The following PCDHGA11 variants were observed in gnomAD, a reference collection of about 807,000 sequenced individuals.
The protein encoded by PCDHGA11 is protocadherin gamma-A11.
PCDHGA11 carries 39 observed loss-of-function variants against 60.4 expected under a neutral mutation model. The observed-to-expected ratio is 0.65, with a 90% CI of 0.50 to 0.84. PCDHGA11 has a LOEUF of 0.84. Among genes scored for constraint, PCDHGA11 ranks in the 40% least tolerant of loss-of-function variants. PCDHGA11 has a pLI of 0.00. For missense variants in PCDHGA11, 1,165 were observed against 1,197.7 expected (o/e 0.97, Z 0.40); for synonymous variants, 533 against 510.3 (o/e 1.04, Z -0.60).
In PCDHGA11 at chr5:141,489,515, G is replaced by A. The variant is rs983415025; in HGVS notation, c.2434-5292G>A. On this transcript the variant is annotated intron_variant, in intron 1 of 3. Coordinates refer to ENST00000398587, the MANE Select transcript of PCDHGA11 (RefSeq NM_018914.3). The surrounding 1 kb of genome is among the most constrained non-coding windows in gnomAD (Gnocchi z 4.5). ...CTGGCAGTGAATCAAAAGATTGACC[G>A]AGAAAGCCTATGTGGAGCCAGCACC... 2 of 1,614,104 alleles carry A rather than the reference G, an allele frequency of 1.2e-6. No homozygotes were observed. Among genetic ancestry groups the A allele is most frequent in the Non-Finnish European group, 8.5e-7 (1 of 1,180,034 alleles).
In PCDHGA11 at chr5:141,431,514, C is replaced by T. The variant is rs760416874; in HGVS notation, c.2433+7854C>T. ...CAGCCCGAGTACCGCGCGAGCGTTC[C>T]GGAGAATCTGGCCTTGGGCACGCAG... On this transcript the variant is annotated intron_variant, in intron 1 of 3. Transcript: ENST00000398587. This position sits in a 1 kb window ranked among gnomAD's most constrained non-coding sequence, Gnocchi z 4.8. 3.1e-6 allele frequency: 5 copies of T among 1,614,012 alleles called. No homozygotes were observed. The highest frequency in any genetic ancestry group is 1.1e-5 in the South Asian group (1 of 91,082).
chr5:141,429,389 A>T (rs6890456), intron 1 of PCDHGA11, among the ~76,000 whole-genome samples: 7,460 of 147,570 alleles, frequency 0.051, 197 homozygotes, highest in South Asian at 0.075. Flanking sequence ...TTTTTTTTTA[A>T]AAAAAATTGA....
intron 2 of PCDHGA11, among the ~76,000 whole-genome samples, chr5:141,501,075 A>C (rs980856799): frequency 6.6e-6 from 1 of 151,366 alleles, no homozygotes; most frequent in African/African-American, 2.4e-5. Context: ...CACCATGTTG[A>C]CCAGGATGGT....
Position 141,421,257 on chromosome 5 carries a change from C to T in PCDHGA11, c.30C>T (p.Arg10=), listed in dbSNP as rs944057868. The T allele has an allele frequency of 6.2e-7, 1 of 1,608,520 alleles. No individual in the cohort carries two copies. The highest frequency in any genetic ancestry group is 1.3e-5 in the African/African-American group (1 of 74,924). The change falls in exon 1 of 4, where the codon CGC becomes CGT. Residue 10 remains arginine, a synonymous_variant. Transcript: ENST00000398587. ...CGAATCGGCTACAGCGCGGGGACCG[C>T]AGTCGGCTGCTGCTGCTGCTGTGCA... MANRLQRGD[R]SRLLLLLCIF... is the part of the protein sequence containing the mutation.
intron 1 of PCDHGA11, among the ~76,000 whole-genome samples, chr5:141,465,041 C>T (rs2099095802): frequency 6.6e-6 from 1 of 151,856 alleles, no homozygotes; most frequent in Non-Finnish European, 1.5e-5. Flanking sequence ...CACAAATGAC[C>T]CTATATATTT....
At chr5:141,494,455 G>A (rs906714175) in intron 1 of PCDHGA11, among the ~76,000 whole-genome samples, 2 of 152,156 alleles carry the variant, frequency 1.3e-5, no homozygotes, top group African/African-American at 4.8e-5. Flanking sequence ...AGGGGGCTTT[G>A]TCTGCACCTC....
In PCDHGA11 at chr5:141,432,184, C is replaced by G; in HGVS notation, c.2433+8524C>G. 1 of 1,614,164 alleles carries G rather than the reference C, an allele frequency of 6.2e-7. No individual in the cohort carries two copies. The highest frequency in any genetic ancestry group is 2.2e-5 in the East Asian group (1 of 44,872). On this transcript the variant is annotated intron_variant, in intron 1 of 3. Coordinates refer to ENST00000398587, the MANE Select transcript of PCDHGA11 (RefSeq NM_018914.3). This position sits in a 1 kb window ranked among gnomAD's most constrained non-coding sequence, Gnocchi z 6.0. Reference sequence around the variant, plus strand: ...GAGGAGTTTCCCTCGTCTCTGTGACCGCCCACGACCCCGACTGTGAAGAGA... The same window carrying G: ...GAGGAGTTTCCCTCGTCTCTGTGACGGCCCACGACCCCGACTGTGAAGAGA...
At chr5:141,452,909 TAC>T (rs1370071626) in intron 1 of PCDHGA11, among the ~76,000 whole-genome samples, 2 of 152,232 alleles carry the variant, frequency 1.3e-5, no homozygotes, top group African/African-American at 4.8e-5. Context: ...GTTGGCATTA[TAC>T]AGTAAGAAAG....
intron 1 of PCDHGA11, among the ~76,000 whole-genome samples, chr5:141,465,279 C>T (rs975247599): frequency 3.3e-5 from 5 of 152,028 alleles, no homozygotes; most frequent in South Asian, 2.1e-4. Flanking sequence ...TTTAGTTCAC[C>T]CCTAAAGAAC....
intron 2 of PCDHGA11, among the ~76,000 whole-genome samples, chr5:141,501,049 A>G (rs1458722311): frequency 1.3e-5 from 2 of 151,844 alleles, no homozygotes; most frequent in African/African-American, 2.4e-5. Flanking sequence ...TTGTATTTTT[A>G]GTAGAGACGG....
At chr5:141,461,422 C>A (rs2099015157) in intron 1 of PCDHGA11, among the ~76,000 whole-genome samples, 1 of 151,930 alleles carries the variant, frequency 6.6e-6, no homozygotes, top group African/African-American at 2.4e-5. Flanking sequence ...TGTTTGTGGG[C>A]CATTTGTATA....
rs141034739 is a variant in PCDHGA11 at position 141,491,100 on chromosome 5, C to T, written c.2434-3707C>T. The T allele has an allele frequency of 2.7e-4, 430 of 1,614,138 alleles. No homozygotes were observed. The African/African-American group carries it at 4.7e-3, about 18-fold the overall frequency. ...AGTCCACAGCCCCAGGACTGTTCCT[C>T]GTGTCTACACACACTGGTGAGGTGC... On this transcript the variant is annotated intron_variant, in intron 1 of 3. Transcript: ENST00000398587. The surrounding 1 kb of genome is among the most constrained non-coding windows in gnomAD (Gnocchi z 6.9).
chr5:141,423,775 T>A, intron 1 of PCDHGA11, 115 bp downstream of exon 1: 1 of 1,209,960 alleles, frequency 8.3e-7, no homozygotes, highest in Non-Finnish European at 1.1e-6. Context: ...GCGGCATATA[T>A]TTAGTTCATA....
Position 141,512,495 on chromosome 5 carries a change from C to T in PCDHGA11, c.*1322C>T, listed in dbSNP as rs2099884264. 1 of 152,920 alleles carries T rather than the reference C, an allele frequency of 6.5e-6. No homozygotes were observed. The highest frequency in any genetic ancestry group is 1.5e-5 in the Non-Finnish European group (1 of 68,240). The allele number at this position is 152,920 out of a possible 1,614,324, so 9.5% of individuals were successfully genotyped here. A position where few individuals can be genotyped will look rare whatever the true frequency, so the allele number is the denominator to read the frequency against. On this transcript the variant is annotated 3_prime_UTR_variant, in exon 4 of 4. Coordinates refer to ENST00000398587, the MANE Select transcript of PCDHGA11 (RefSeq NM_018914.3). ...TTCCGTGAAGGCCACTGCCCAGGTCCCCAGTGCGCCCCCTAGTGGCCATAG... is the reference window on the plus strand; with the variant it reads ...TTCCGTGAAGGCCACTGCCCAGGTCTCCAGTGCGCCCCCTAGTGGCCATAG...
rs777168071 is a variant in PCDHGA11 at position 141,477,745 on chromosome 5, C to A, written c.2434-17062C>A. The A allele has an allele frequency of 5.0e-6, 8 of 1,613,682 alleles. No homozygotes were observed. The highest frequency in any genetic ancestry group is 6.8e-6 in the Non-Finnish European group (8 of 1,180,042). On this transcript the variant is annotated intron_variant, in intron 1 of 3. Transcript: ENST00000398587. The surrounding 1 kb of genome is among the most constrained non-coding windows in gnomAD (Gnocchi z 4.9). ...TAACAGCTCATATCAGCGATGGGGG[C>A]ACCCCGGTCCTAGCCACCAACATCA...
chr5:141,463,438 C>CTTTTTTTT (rs71576115), intron 1 of PCDHGA11, among the ~76,000 whole-genome samples: 3 of 103,252 alleles, frequency 2.9e-5, no homozygotes, highest in African/African-American at 8.9e-5. Context: ...TTTCCTTCTC[C>CTTTTTTTT]TTTTTTTTTT....
Position 141,477,797 on chromosome 5 carries a change from A to G in PCDHGA11, c.2434-17010A>G. ...CGTGAACATATTTGTCACTGATCGC[A>G]ATGACAATGCCCCCCAGGTCCTATA... On this transcript the variant is annotated intron_variant, in intron 1 of 3. Coordinates refer to ENST00000398587, the MANE Select transcript of PCDHGA11 (RefSeq NM_018914.3). This position sits in a 1 kb window ranked among gnomAD's most constrained non-coding sequence, Gnocchi z 4.9. 1.2e-6 allele frequency: 2 copies of G among 1,614,082 alleles called. No individual in the cohort carries two copies. Among genetic ancestry groups the G allele is most frequent in the Non-Finnish European group, 1.7e-6 (2 of 1,180,032 alleles).
At position 141,421,424 on chromosome 5, in the gene PCDHGA11, G is replaced by A; in HGVS notation, c.197G>A (p.Arg66His). The A allele has an allele frequency of 6.2e-7, 1 of 1,614,092 alleles. No homozygotes were observed. Residue 66 changes from arginine (R) to histidine (H), a missense_variant, in exon 1 of 4, where the codon CGC (arginine) becomes CAC (histidine). Arg to His is a conservative substitution (Grantham distance 29). Transcript: ENST00000398587. Reference sequence around the variant, plus strand: ...CGGGAGCTGGCGAAGCGCGGAGTCCGCATCGTCTCCAGAGGGAAGACACAG... The same window carrying A: ...CGGGAGCTGGCGAAGCGCGGAGTCCACATCGTCTCCAGAGGGAAGACACAG... Reference protein sequence around the residue: ...EPRELAKRGVRIVSRGKTQLF... With the variant: ...EPRELAKRGVHIVSRGKTQLF...
intron 2 of PCDHGA11, among the ~76,000 whole-genome samples, chr5:141,503,994 A>C (rs1330628079): frequency 6.6e-6 from 1 of 152,158 alleles, no homozygotes; most frequent in Non-Finnish European, 1.5e-5. Context: ...CTTACCTTAC[A>C]GTCACTTAAC....
Sources: gnomAD v4.1 joint callset for allele counts (sites outside exome capture counted in the v4.1 genomes callset) on GRCh38, gnomAD v4.1.1 for gene constraint, Gnocchi (gnomAD v3.1) non-coding constraint, MANE v1.5 for transcripts, NCBI Gene and HGNC (gene_info 2026-07-23, HGNC 2026-07-21) for gene names.